The following RXFP2 variants were observed in gnomAD, a reference collection of about 807,000 sequenced individuals.
RXFP2 encodes the protein relaxin receptor 2.
In RXFP2, 68 loss-of-function variants were observed where a neutral mutation model predicts 88.6. That is an observed-to-expected ratio of 0.77 (90% CI 0.63 to 0.94). The LOEUF (loss-of-function observed/expected upper bound fraction) is 0.94, where lower values mean the gene tolerates loss of function less well. RXFP2 is among the 40% of genes least tolerant of loss of function. The pLI is 0.00. For synonymous variants in RXFP2, 329 were observed against 306.8 expected, an observed-to-expected ratio of 1.07 and a Z score of -0.76; for missense variants, 791 against 893.9, an observed-to-expected ratio of 0.88 and a Z score of 1.47.
intron 1 of RXFP2, among the ~76,000 whole-genome samples, chr13:31,751,730 A>G (rs753618471): frequency 2.6e-5 from 4 of 152,176 alleles, no homozygotes; most frequent in African/African-American, 7.2e-5. Context: ...CCTTCTCTCC[A>G]CATTTCTCAA....
At chr13:31,794,004 T>A (rs1873913008) in intron 16 of RXFP2, among the ~76,000 whole-genome samples, 1 of 152,162 alleles carries the variant, frequency 6.6e-6, no homozygotes, top group African/African-American at 2.4e-5. Context: ...ACTACCATTG[T>A]TATATTCTCT....
At chr13:31,748,211 G>A (rs752873085) in intron 1 of RXFP2, among the ~76,000 whole-genome samples, 1 of 152,146 alleles carries the variant, frequency 6.6e-6, no homozygotes, top group Non-Finnish European at 1.5e-5. Context: ...GAATCTCTTG[G>A]TGCACATGTG....
At chr13:31,789,298 G>A (rs770680585) in intron 14 of RXFP2, 105 bp downstream of exon 14, 199 of 796,704 alleles carry the variant, frequency 2.5e-4, no homozygotes, top group Non-Finnish European at 3.8e-4. Flanking sequence ...TGCAACAAAA[G>A]TCATTTTATT....
Position 31,781,709 on chromosome 13 carries a change from C to A in RXFP2, c.824C>A (p.Ser275Tyr). ...EGNRIKYLTN[S>Y]TFLSCDSLTV... ...AATAGAATAAAGTATCTCACAAATT[C>A]TACGTTTCTGTCGTGCGATTCGCTC... Residue 275 changes from serine (S) to tyrosine (Y), a missense_variant, in exon 10 of 18, where the codon TCT (serine) becomes TAT (tyrosine). Transcript: ENST00000298386. The A allele has an allele frequency of 6.2e-7, 1 of 1,612,704 alleles. No homozygotes were observed. The highest frequency in any genetic ancestry group is 8.5e-7 in the Non-Finnish European group (1 of 1,179,070).
At chr13:31,785,942 G>A (rs1873517094) in intron 11 of RXFP2, among the ~76,000 whole-genome samples, 1 of 152,198 alleles carries the variant, frequency 6.6e-6, no homozygotes, top group Non-Finnish European at 1.5e-5. Context: ...ATACTGAGTG[G>A]ACAATATTGT....
intron 14 of RXFP2, among the ~76,000 whole-genome samples, chr13:31,790,704 T>C (rs74044226): frequency 0.028 from 4,283 of 152,200 alleles, 200 homozygotes; most frequent in African/African-American, 0.098. Flanking sequence ...CAAATTTAAA[T>C]AAAGCAAGGT....
At chr13:31,749,875 A>G (rs995496117) in intron 1 of RXFP2, among the ~76,000 whole-genome samples, 11 of 152,244 alleles carry the variant, frequency 7.2e-5, no homozygotes, top group Admixed American at 2.0e-4. Flanking sequence ...GTTTAACTCC[A>G]TTAGCTAAGC....
chr13:31,789,135 A>T lies in RXFP2; in HGVS notation c.1087A>T (p.Ile363Leu), dbSNP rs555149893. The T allele has an allele frequency of 6.2e-7, 1 of 1,605,562 alleles. No individual in the cohort carries two copies. Among genetic ancestry groups the T allele is most frequent in the South Asian group, 1.1e-5 (1 of 90,924 alleles). Residue 363 changes from isoleucine (I) to leucine (L), a missense_variant, in exon 14 of 18, where the codon ATA becomes TTA. By Grantham distance (5) the Ile-to-Leu change is conservative. Transcript: ENST00000298386. The stretch of plus-strand genomic sequence containing the variant: ...TGTATTTTCCAGAGACCTGGAAAGG[A>T]TAGAGATTCCAAATATAAACACACG... ...KQLQSLDLER[I>L]EIPNINTRMF...
At chr13:31,760,561 C>T (rs1303279931) in intron 2 of RXFP2, among the ~76,000 whole-genome samples, 1 of 152,230 alleles carries the variant, frequency 6.6e-6, no homozygotes, top group Non-Finnish European at 1.5e-5. Flanking sequence ...ATCCTTTCCT[C>T]TTTGCTGCAT....
chr13:31,783,856 A>C (rs1053651881), intron 11 of RXFP2, among the ~76,000 whole-genome samples: 2 of 151,608 alleles, frequency 1.3e-5, no homozygotes. Context: ...TGCTCTTGTC[A>C]CCCAGGCTGG....
intron 10 of RXFP2, among the ~76,000 whole-genome samples, chr13:31,782,367 A>C (rs928597548): frequency 2.0e-5 from 3 of 152,214 alleles, no homozygotes; most frequent in African/African-American, 7.2e-5. Context: ...GATTGGATGG[A>C]TGATTGGAAA....
chr13:31,742,532 A>G (rs1871259516), intron 1 of RXFP2, among the ~76,000 whole-genome samples: 1 of 152,208 alleles, frequency 6.6e-6, no homozygotes, highest in Non-Finnish European at 1.5e-5. Context: ...GATTGGGAAC[A>G]TGGGAGTTAA....
At chr13:31,791,140 A>T (rs1320306729) in intron 14 of RXFP2, among the ~76,000 whole-genome samples, 1 of 152,254 alleles carries the variant, frequency 6.6e-6, no homozygotes, top group African/African-American at 2.4e-5. Context: ...GGCAATGGCC[A>T]GATGACCTCA....
chr13:31,767,771 C>T (rs774054577), intron 5 of RXFP2, among the ~76,000 whole-genome samples: 2 of 152,164 alleles, frequency 1.3e-5, no homozygotes, highest in African/African-American at 4.8e-5. Flanking sequence ...TTTACCATAA[C>T]AGGAAACCTT....
intron 11 of RXFP2, 33 bp downstream of exon 11, chr13:31,782,780 TG>T: frequency 7.6e-7 from 1 of 1,317,852 alleles, no homozygotes; most frequent in African/African-American, 1.4e-5. Flanking sequence ...AAAATATGAT[TG>T]CTTCTTCCGA....
chr13:31,790,877 T>C (rs1156300751), intron 14 of RXFP2, among the ~76,000 whole-genome samples: 1 of 151,550 alleles, frequency 6.6e-6, no homozygotes, highest in African/African-American at 2.4e-5. Context: ...AAGCTCTGAG[T>C]AGGGCATGAG....
rs1327562174 is a variant in RXFP2, at chr13:31,802,524, C to T, written c.*119C>T. 4.5e-6 allele frequency: 5 copies of T among 1,101,500 alleles called. No individual in the cohort carries two copies. In the African/African-American group the frequency reaches 7.7e-5, roughly 17 times the overall value. 68.2% of individuals were successfully genotyped at this position (1,101,500 alleles called of 1,614,324 possible). ...ACGGCAAGCCTTTCTGCACAGAGAG[C>T]ACAGCAGAATGGCTCCTGTCACTGC... On this transcript the variant is annotated 3_prime_UTR_variant, in exon 18 of 18. Coordinates refer to ENST00000298386, the MANE Select transcript of RXFP2 (RefSeq NM_130806.5).
In RXFP2 at chr13:31,792,017, T is replaced by C. The variant is rs771047894; in HGVS notation, c.1357T>C (p.Ser453Pro). The C allele has an allele frequency of 2.5e-6, 4 of 1,611,894 alleles. No individual in the cohort carries two copies. Among genetic ancestry groups the C allele is most frequent in the Non-Finnish European group, 3.4e-6 (4 of 1,177,960 alleles). The change falls in exon 15 of 18, where the codon TCC becomes CCC. Residue 453 changes from serine (S) to proline (P), a missense_variant. By Grantham distance (74) the Ser-to-Pro change is moderately conservative. Transcript: ENST00000298386. ...IKAENTTHAM[S>P]IKILCCADCL... ...AGCTGAAAATACAACTCACGCTATG[T>C]CCATCAAAATCCTTTGTTGTAAGTA...
At position 31,778,504 on chromosome 13, in the gene RXFP2, G is replaced by A; in HGVS notation, c.714-8G>A. On this transcript the variant is annotated splice_polypyrimidine_tract_variant and splice_region_variant and intron_variant, in intron 8 of 17. Transcript: ENST00000298386. ...TTTATTTCTAATTAACATTTTCTTT[G>A]TGTAAAGGTCTATGGTTAATAACTA... The A allele has an allele frequency of 6.3e-7, 1 of 1,583,370 alleles. No individual in the cohort carries two copies. Among genetic ancestry groups the A allele is most frequent in the Non-Finnish European group, 8.7e-7 (1 of 1,152,384 alleles).
Sources: allele counts gnomAD v4.1 joint callset (sites outside exome capture counted in the v4.1 genomes callset), GRCh38; gene constraint gnomAD v4.1.1; transcripts MANE v1.5; gene names NCBI Gene and HGNC (gene_info 2026-07-23, HGNC 2026-07-21).